The following ADAMTS2 variants were observed in gnomAD, a reference collection of about 807,000 sequenced individuals.
ADAMTS2 encodes A disintegrin and metalloproteinase with thrombospondin motifs 2.
In ADAMTS2, 50 loss-of-function variants were observed where a neutral mutation model predicts 123.0. The observed-to-expected ratio is 0.41, with a 90% CI of 0.32 to 0.51. The LOEUF (loss-of-function observed/expected upper bound fraction) is 0.51. ADAMTS2 is among the 20% of genes least tolerant of loss of function. The pLI, the probability that ADAMTS2 is intolerant of heterozygous loss-of-function variation, is 0.35. For synonymous variants in ADAMTS2, 678 were observed against 695.4 expected, an observed-to-expected ratio of 0.98 and a Z score of 0.39; for missense variants, 1,494 against 1,705.2, an observed-to-expected ratio of 0.88 and a Z score of 2.18.
At chr5:179,286,954 G>A (rs572976772) in intron 2 of ADAMTS2, among the ~76,000 whole-genome samples, 5 of 152,256 alleles carry the variant, frequency 3.3e-5, no homozygotes, top group Admixed American at 1.3e-4. Context: ...TTCATTTTCA[G>A]TTAATTATCT....
At chr5:179,326,195 TGTGTGC>T (rs1165334658) in intron 2 of ADAMTS2, among the ~76,000 whole-genome samples, 1 of 116,888 alleles carries the variant, frequency 8.6e-6, no homozygotes, top group Non-Finnish European at 1.8e-5. Flanking sequence ...ATGGCGTTTG[TGTGTGC>T]GTGTGTGTGT....
chr5:179,190,269 G>A (rs997486970), intron 4 of ADAMTS2, among the ~76,000 whole-genome samples: 18 of 152,174 alleles, frequency 1.2e-4, no homozygotes, highest in East Asian at 1.9e-4. Flanking sequence ...GGGCTGCTTC[G>A]AGCAGGATTA....
At chr5:179,199,725 T>C (rs1294317358) in intron 4 of ADAMTS2, among the ~76,000 whole-genome samples, 2 of 152,284 alleles carry the variant, frequency 1.3e-5, no homozygotes, top group East Asian at 3.9e-4. Context: ...CCAGCCTCCC[T>C]GAGTCTGGCT....
At chr5:179,236,033 C>A (rs922643538) in intron 3 of ADAMTS2, among the ~76,000 whole-genome samples, 1 of 152,228 alleles carries the variant, frequency 6.6e-6, no homozygotes, top group African/African-American at 2.4e-5. Context: ...CTGAAATATG[C>A]TCAGCCTCAA....
intron 3 of ADAMTS2, among the ~76,000 whole-genome samples, chr5:179,263,327 C>T (rs1766280307): frequency 7.2e-6 from 1 of 139,078 alleles, no homozygotes; most frequent in Non-Finnish European, 1.6e-5. Flanking sequence ...AGTATTATTC[C>T]CCCATGATTT....
At chr5:179,287,568 G>A (rs369543999) in intron 2 of ADAMTS2, among the ~76,000 whole-genome samples, 15 of 152,228 alleles carry the variant, frequency 9.9e-5, no homozygotes, top group African/African-American at 3.4e-4. Flanking sequence ...TTTTCTGGGC[G>A]ATCCCAAGGC....
intron 4 of ADAMTS2, among the ~76,000 whole-genome samples, chr5:179,201,955 A>G (rs1156387699): frequency 1.3e-5 from 2 of 152,336 alleles, no homozygotes; most frequent in African/African-American, 4.8e-5. Context: ...TGCCTAAACC[A>G]AAGAGCCCCT....
chr5:179,274,013 A>G (rs1432097837), intron 2 of ADAMTS2, among the ~76,000 whole-genome samples: 1 of 44,924 alleles, frequency 2.2e-5, no homozygotes, highest in Non-Finnish European at 4.4e-5. Flanking sequence ...CCACCACCCC[A>G]TCCCCAGCTC....
intron 10 of ADAMTS2, chr5:179,150,903 T>A (rs983219430): frequency 1.3e-5 from 2 of 157,626 alleles, no homozygotes; most frequent in African/African-American, 4.8e-5. Flanking sequence ...TTCACTTTTA[T>A]TTTTATTTTT....
chr5:179,294,786 A>G (rs1256703720), intron 2 of ADAMTS2, among the ~76,000 whole-genome samples: 1 of 152,264 alleles, frequency 6.6e-6, no homozygotes. Flanking sequence ...AGGAAATGTC[A>G]ACATTTTCCC....
intron 5 of ADAMTS2, among the ~76,000 whole-genome samples, 197 bp from the exon 6 acceptor site, chr5:179,159,076 C>A (rs1203272220): frequency 1.3e-5 from 2 of 152,242 alleles, no homozygotes; most frequent in Non-Finnish European, 2.9e-5. Context: ...TTTCCCCAGT[C>A]ACACTCACCT....
At chr5:179,148,837 T>C (rs1404014244) in intron 10 of ADAMTS2, among the ~76,000 whole-genome samples, 1 of 152,114 alleles carries the variant, frequency 6.6e-6, no homozygotes, top group Non-Finnish European at 1.5e-5. Flanking sequence ...GGATTCTCCC[T>C]CCCAGACGGA....
chr5:179,344,727 G>C (rs11745354), intron 1 of ADAMTS2, among the ~76,000 whole-genome samples: 20,413 of 152,206 alleles, frequency 0.13, 1,617 homozygotes, highest in East Asian at 0.3. Context: ...AGCGCCCGAG[G>C]ACTGGGAGGG....
At chr5:179,318,373 G>T (rs1473301206) in intron 2 of ADAMTS2, among the ~76,000 whole-genome samples, 2 of 152,046 alleles carry the variant, frequency 1.3e-5, no homozygotes, top group Non-Finnish European at 2.9e-5. Flanking sequence ...AGACAGGGAG[G>T]AGAGGCGGGG....
intron 3 of ADAMTS2, among the ~76,000 whole-genome samples, chr5:179,267,437 G>A (rs958756870): frequency 5.9e-5 from 9 of 152,240 alleles, no homozygotes; most frequent in African/African-American, 1.4e-4. Context: ...GCTTGGCACC[G>A]GCGGTGTCTG....
intron 21 of ADAMTS2, among the ~76,000 whole-genome samples, chr5:179,119,664 C>G (rs368969261): frequency 6.6e-6 from 1 of 152,226 alleles, no homozygotes; most frequent in East Asian, 1.9e-4. Flanking sequence ...CCCAGCCCCC[C>G]ACCTGAGCCG....
chr5:179,327,605 C>T (rs1165974067), intron 2 of ADAMTS2, among the ~76,000 whole-genome samples: 4 of 152,168 alleles, frequency 2.6e-5, no homozygotes, highest in Admixed American at 2.6e-4. Flanking sequence ...GCGTTCGAAG[C>T]TCTACTTGAT....
rs1239035689 is a variant in ADAMTS2 at position 179,185,713 on chromosome 5, C to T, written c.892-4558G>A. Among the ~76,000 whole-genome samples the T allele has an allele frequency of 6.6e-6, 1 of 151,962 alleles. No homozygotes were observed. The highest frequency in any genetic ancestry group is 6.6e-5 in the Admixed American group (1 of 15,254). Reference sequence around the variant, plus strand: ...GGAGGTGGGGTCGAGGCAGCTGAGCCCTGGGGTGTCAGGCTGCTAGGCGTG... The same window carrying T: ...GGAGGTGGGGTCGAGGCAGCTGAGCTCTGGGGTGTCAGGCTGCTAGGCGTG... On this transcript the variant is annotated intron_variant, in intron 4 of 21. Coordinates refer to ENST00000251582, the MANE Select transcript of ADAMTS2 (RefSeq NM_014244.5). The surrounding 1 kb of genome is among the most constrained non-coding windows in gnomAD (Gnocchi z 5.9).
intron 2 of ADAMTS2, among the ~76,000 whole-genome samples, chr5:179,325,088 C>T (rs2113599708): frequency 6.6e-6 from 1 of 152,332 alleles, no homozygotes; most frequent in Non-Finnish European, 1.5e-5. Context: ...ATGGTCCCCT[C>T]CTGCACCTGC....
Sources: allele counts gnomAD v4.1 joint callset (sites outside exome capture counted in the v4.1 genomes callset), GRCh38; gene constraint gnomAD v4.1.1; non-coding constraint Gnocchi (gnomAD v3.1); transcripts MANE v1.5; gene names NCBI Gene and HGNC (gene_info 2026-07-23, HGNC 2026-07-21).